SNX29: variants seen among roughly 807,000 people sequenced by gnomAD.
SNX29 encodes the protein sorting nexin 29.
SNX29 carries 78 observed loss-of-function variants against 102.1 expected under a neutral mutation model. That is an observed-to-expected ratio of 0.76 (90% confidence interval 0.64 to 0.92). SNX29 has a LOEUF of 0.92. Ranked by LOEUF, SNX29 falls within the 40% of genes least tolerant of loss-of-function variation. The pLI is 0.00. For missense variants in SNX29, 1,280 were observed against 1,061.7 expected, an observed-to-expected ratio of 1.21 and a Z score of -2.86; for synonymous variants, 580 against 414.5, an observed-to-expected ratio of 1.40 and a Z score of -4.85.
chr16:12,471,178 C>G (rs898872303), intron 18 of SNX29, among the ~76,000 whole-genome samples: 3 of 152,172 alleles, frequency 2.0e-5, no homozygotes, highest in Non-Finnish European at 2.9e-5. Context: ...TTAAAGGAAG[C>G]TTTTACATCT....
chr16:12,328,303 G>A (rs1011991324), intron 15 of SNX29, among the ~76,000 whole-genome samples: 1 of 152,174 alleles, frequency 6.6e-6, no homozygotes, highest in African/African-American at 2.4e-5. Context: ...TGGCCTTTCA[G>A]CTATAGATTA....
intron 9 of SNX29, among the ~76,000 whole-genome samples, chr16:12,067,571 T>C (rs191150539): frequency 7.7e-4 from 118 of 152,328 alleles, no homozygotes; most frequent in African/African-American, 2.7e-3. Flanking sequence ...CACTGCAACC[T>C]CCACCTTCTG....
chr16:12,380,539 ACCACCCACCATCCATCCAT>A (rs1417533548), intron 16 of SNX29, among the ~76,000 whole-genome samples: 8 of 90,810 alleles, frequency 8.8e-5, no homozygotes, highest in East Asian at 3.6e-4. Flanking sequence ...CTGTCCACCT[ACCACCCACCATCCATCCAT>A]CCACCCACCA....
intron 14 of SNX29, among the ~76,000 whole-genome samples, chr16:12,201,570 T>C (rs116847208): frequency 1.1e-4 from 16 of 152,348 alleles, no homozygotes; most frequent in East Asian, 9.6e-4. Context: ...CTTTGCATTA[T>C]AAAATGCTTT....
intron 15 of SNX29, among the ~76,000 whole-genome samples, chr16:12,281,297 T>C (rs2079422533): frequency 6.6e-6 from 1 of 152,162 alleles, no homozygotes; most frequent in African/African-American, 2.4e-5. Flanking sequence ...CTGAGAATTT[T>C]TTTATCTAGG....
intron 4 of SNX29, among the ~76,000 whole-genome samples, chr16:12,030,552 C>T (rs570714419): frequency 2.0e-5 from 3 of 152,344 alleles, no homozygotes; most frequent in African/African-American, 4.8e-5. Context: ...CTGAGCCACT[C>T]GCGGTTCCTC....
chr16:12,033,276 A>T (rs2057391940), intron 4 of SNX29, among the ~76,000 whole-genome samples: 1 of 151,014 alleles, frequency 6.6e-6, no homozygotes, highest in Non-Finnish European at 1.5e-5. Context: ...TAATTTTATT[A>T]TTTTTTTGTA....
rs1203444726 is a variant in SNX29 at position 12,574,030 on chromosome 16, A to G, written c.*5401A>G. The G allele has an allele frequency of 8.2e-5, 16 of 194,962 alleles. No individual in the cohort carries two copies. The highest frequency in any genetic ancestry group is 1.9e-4 in the South Asian group (1 of 5,184). 12.1% of individuals were successfully genotyped at this position (194,962 alleles called of 1,614,324 possible). On this transcript the variant is annotated 3_prime_UTR_variant, in exon 21 of 21. Coordinates refer to ENST00000566228, the MANE Select transcript of SNX29 (RefSeq NM_032167.5). ...TTAAGGGTAAGCAGGCCACATATCTAGAGTCTGATAGTCTGTGTGTACATA... is the reference window on the plus strand; with the variant it reads ...TTAAGGGTAAGCAGGCCACATATCTGGAGTCTGATAGTCTGTGTGTACATA...
In SNX29 at chr16:12,096,708, C is replaced by G. The variant is rs556249785; in HGVS notation, c.1402+17793C>G. Among the ~76,000 whole-genome samples, 1 of 152,150 alleles carries G rather than the reference C, an allele frequency of 6.6e-6. No homozygotes were observed. The highest frequency in any genetic ancestry group is 1.5e-5 in the Non-Finnish European group (1 of 68,026). On this transcript the variant is annotated intron_variant, in intron 11 of 20. Transcript: ENST00000566228. This position sits in a 1 kb window ranked among gnomAD's most constrained non-coding sequence, Gnocchi z 4.2. ...TCTGTGGCACTGAACAACCGCCACT[C>G]GATCCACCCATGGGAACGAGTTCCC...
chr16:12,549,814 C>G (rs1197664813), intron 20 of SNX29, among the ~76,000 whole-genome samples: 2 of 152,242 alleles, frequency 1.3e-5, no homozygotes, highest in Non-Finnish European at 1.5e-5. Context: ...GCTTCTGTGC[C>G]CTGTGTGGCC....
chr16:12,217,808 T>C (rs1373335699), intron 14 of SNX29, among the ~76,000 whole-genome samples: 3 of 152,250 alleles, frequency 2.0e-5, no homozygotes, highest in African/African-American at 7.2e-5. Flanking sequence ...CATGCTCATG[T>C]CATTTGGGGA....
intron 20 of SNX29, among the ~76,000 whole-genome samples, chr16:12,555,646 G>A (rs974754338): frequency 3.9e-5 from 6 of 151,970 alleles, no homozygotes; most frequent in African/African-American, 9.7e-5. Flanking sequence ...CCCCACTGAT[G>A]CCAGACCCTG....
chr16:12,456,739 T>G (rs955386862), intron 18 of SNX29, among the ~76,000 whole-genome samples: 1 of 152,084 alleles, frequency 6.6e-6, no homozygotes, highest in African/African-American at 2.4e-5. Flanking sequence ...CATGTGTGCC[T>G]GGGGGGATGT....
intron 20 of SNX29, among the ~76,000 whole-genome samples, chr16:12,549,528 CT>C (rs1567174998): frequency 7.4e-5 from 5 of 67,674 alleles, no homozygotes; most frequent in African/African-American, 6.3e-4. Context: ...CATCCTCTAT[CT>C]CAAATAGCCA....
rs1036845636 is a variant in SNX29, at chr16:12,571,693, A to T, written c.*3064A>T. 1 of 1,060,178 alleles carries T rather than the reference A, an allele frequency of 9.4e-7. No individual in the cohort carries two copies. The highest frequency in any genetic ancestry group is 4.6e-5 in the South Asian group (1 of 21,922). 65.7% of individuals were successfully genotyped at this position (1,060,178 alleles called of 1,614,324 possible). A position where few individuals can be genotyped will look rare whatever the true frequency, so the allele number is the denominator to read the frequency against. On this transcript the variant is annotated 3_prime_UTR_variant, in exon 21 of 21. Transcript: ENST00000566228. ...GGGCAGAGGTGTCTCTCCTTGAGAG[A>T]CAACAAAAGCTTCTAAGGGAGGGAG...
intron 9 of SNX29, among the ~76,000 whole-genome samples, chr16:12,067,112 G>C (rs1452368601): frequency 6.6e-6 from 1 of 151,972 alleles, no homozygotes; most frequent in East Asian, 1.9e-4. Context: ...TTGAGTCCAG[G>C]AGTTTGAGGC....
chr16:12,558,468 C>T (rs995509978), intron 20 of SNX29, among the ~76,000 whole-genome samples: 2 of 152,202 alleles, frequency 1.3e-5, no homozygotes, highest in African/African-American at 4.8e-5. Flanking sequence ...TTAATGCCAT[C>T]CTTTAAAGTT....
chr16:12,384,899 G>A (rs139550400), intron 16 of SNX29, among the ~76,000 whole-genome samples: 496 of 152,328 alleles, frequency 3.3e-3, no homozygotes, highest in African/African-American at 0.011. Flanking sequence ...GGCCGGGCAT[G>A]GTGGCTCCTG....
intron 20 of SNX29, among the ~76,000 whole-genome samples, chr16:12,535,881 A>T (rs2077062721): frequency 6.6e-6 from 1 of 152,086 alleles, no homozygotes; most frequent in Admixed American, 6.5e-5. Flanking sequence ...CCAAGGTCCT[A>T]CCCATCTCCC....
Sources: gnomAD v4.1 joint callset for allele counts (sites outside exome capture counted in the v4.1 genomes callset) on GRCh38, gnomAD v4.1.1 for gene constraint, Gnocchi (gnomAD v3.1) non-coding constraint, MANE v1.5 for transcripts, NCBI Gene and HGNC (gene_info 2026-07-23, HGNC 2026-07-21) for gene names.